The following SLC35F4 variants were observed in gnomAD, a reference collection of about 807,000 sequenced individuals.
SLC35F4 encodes chromosome 14 open reading frame 36.
Under a neutral mutation model 44.2 loss-of-function variants are expected in SLC35F4, and 24 were observed. That is an observed-to-expected ratio of 0.54 (90% CI 0.39 to 0.76). The LOEUF (loss-of-function observed/expected upper bound fraction) is 0.76. SLC35F4 is among the 30% of genes least tolerant of loss of function. The pLI is 0.00. For missense variants in SLC35F4, 562 were observed against 586.1 expected (o/e 0.96, Z 0.42); for synonymous variants, 238 against 223.6 (o/e 1.06, Z -0.57).
chr14:57,662,752 G>A (rs1566738176), intron 1 of SLC35F4, among the ~76,000 whole-genome samples: 1 of 152,128 alleles, frequency 6.6e-6, no homozygotes, highest in Admixed American at 6.6e-5. Flanking sequence ...AGTTTGCAAG[G>A]TGTGCTGGAT....
intron 1 of SLC35F4, among the ~76,000 whole-genome samples, chr14:57,944,207 T>C (rs915945280): frequency 6.6e-6 from 1 of 152,204 alleles, no homozygotes; most frequent in African/African-American, 2.4e-5. Context: ...GGGTCTTCTA[T>C]TCCTACTTAT....
chr14:57,937,586 G>GAAAGAAAGA (rs1889825535), intron 1 of SLC35F4, among the ~76,000 whole-genome samples: 1 of 114,012 alleles, frequency 8.8e-6, no homozygotes, highest in Non-Finnish European at 1.8e-5. Flanking sequence ...GAAAAGAAAA[G>GAAAGAAAGA]AAAGAAAAGA....
intron 1 of SLC35F4, among the ~76,000 whole-genome samples, chr14:57,760,209 A>G (rs917025411): frequency 6.6e-6 from 1 of 151,866 alleles, no homozygotes; most frequent in Admixed American, 6.6e-5. Flanking sequence ...ATTTTTGTGC[A>G]TGTTGTAAGA....
intron 1 of SLC35F4, among the ~76,000 whole-genome samples, chr14:57,703,913 G>T (rs1231849254): frequency 6.6e-6 from 1 of 152,058 alleles, no homozygotes; most frequent in Non-Finnish European, 1.5e-5. Flanking sequence ...GCTGTATCCT[G>T]TTCTCTGGAA....
chr14:57,585,829 C>G (rs1030581214), intron 3 of SLC35F4, among the ~76,000 whole-genome samples: 1 of 152,106 alleles, frequency 6.6e-6, no homozygotes, highest in Admixed American at 6.5e-5. Flanking sequence ...TAAGAGAGGA[C>G]ACAAACGGGT....
At chr14:57,789,531 G>A (rs946528813) in intron 1 of SLC35F4, among the ~76,000 whole-genome samples, 1 of 152,072 alleles carries the variant, frequency 6.6e-6, no homozygotes, top group African/African-American at 2.4e-5. Context: ...AAAAGCCCCG[G>A]ACCAGATGGA....
intron 1 of SLC35F4, among the ~76,000 whole-genome samples, chr14:57,930,994 G>A (rs74054810): frequency 0.02 from 3,014 of 152,290 alleles, 85 homozygotes; most frequent in African/African-American, 0.068. Context: ...AAATATTTGT[G>A]TGATGTTTCA....
At chr14:57,706,491 T>C (rs1451558540) in intron 1 of SLC35F4, among the ~76,000 whole-genome samples, 1 of 152,206 alleles carries the variant, frequency 6.6e-6, no homozygotes, top group East Asian at 1.9e-4. Flanking sequence ...AAATGGTTTC[T>C]ACCTTCAAGG....
intron 1 of SLC35F4, among the ~76,000 whole-genome samples, chr14:57,872,284 C>T (rs1046288147): frequency 2.0e-5 from 3 of 151,680 alleles, no homozygotes; most frequent in Admixed American, 6.6e-5. Flanking sequence ...ATCAGTAGAA[C>T]TTGCTTTTTA....
At chr14:57,624,668 A>G (rs2346986) in intron 1 of SLC35F4, among the ~76,000 whole-genome samples, 137,037 of 152,042 alleles carry the variant, frequency 0.9, 61,889 homozygotes, top group South Asian at 0.95. Flanking sequence ...ATCAATAAAC[A>G]TAATCCAGCA....
intron 1 of SLC35F4, among the ~76,000 whole-genome samples, chr14:57,744,433 C>T (rs1264267206): frequency 6.6e-6 from 1 of 152,056 alleles, no homozygotes; most frequent in Non-Finnish European, 1.5e-5. Context: ...ACACCAAGAA[C>T]AGACAAATGG....
intron 3 of SLC35F4, among the ~76,000 whole-genome samples, chr14:57,582,385 A>G (rs977806635): frequency 6.6e-6 from 1 of 152,032 alleles, no homozygotes; most frequent in African/African-American, 2.4e-5. Context: ...TTTTGTAGAG[A>G]CAGACAGGAT....
At chr14:57,808,734 A>T (rs868845158) in intron 1 of SLC35F4, among the ~76,000 whole-genome samples, 2 of 152,228 alleles carry the variant, frequency 1.3e-5, no homozygotes, top group Non-Finnish European at 2.9e-5. Flanking sequence ...TGAGTCCAGG[A>T]GGTCAAGGCT....
intron 1 of SLC35F4, among the ~76,000 whole-genome samples, chr14:57,651,455 T>C (rs1267604759): frequency 6.6e-6 from 1 of 152,042 alleles, no homozygotes; most frequent in Non-Finnish European, 1.5e-5. Flanking sequence ...TGATGTCTGA[T>C]GTCATCCCCT....
chr14:57,737,590 G>GT (rs1296478992), intron 1 of SLC35F4, among the ~76,000 whole-genome samples: 1 of 152,000 alleles, frequency 6.6e-6, no homozygotes, highest in Non-Finnish European at 1.5e-5. Flanking sequence ...AGCTGTGGAC[G>GT]TAAGTACTCA....
intron 1 of SLC35F4, among the ~76,000 whole-genome samples, chr14:57,644,211 T>G (rs1355062470): frequency 3.9e-5 from 6 of 152,220 alleles, no homozygotes; most frequent in Non-Finnish European, 8.8e-5. Flanking sequence ...CCACAGTGGT[T>G]GAACTAGTTT....
intron 1 of SLC35F4, among the ~76,000 whole-genome samples, chr14:57,710,139 G>A (rs1302792870): frequency 3.3e-5 from 5 of 152,226 alleles, no homozygotes; most frequent in Non-Finnish European, 7.3e-5. Context: ...GCTCTGTGCA[G>A]TCTCAAGACA....
chr14:57,613,350 A>G (rs764081664), intron 1 of SLC35F4, among the ~76,000 whole-genome samples: 7 of 152,146 alleles, frequency 4.6e-5, no homozygotes, highest in Non-Finnish European at 1.0e-4. Context: ...TTTGTTATTG[A>G]TAAAGGAGAA....
chr14:57,630,890 G>A, intron 1 of SLC35F4: 1 of 873,762 alleles, frequency 1.1e-6, no homozygotes, highest in Non-Finnish European at 1.4e-6. Flanking sequence ...AATGTTATGA[G>A]CAGCCACCAA....
Sources: gnomAD v4.1 joint callset for allele counts (sites outside exome capture counted in the v4.1 genomes callset) on GRCh38, gnomAD v4.1.1 for gene constraint, MANE v1.5 for transcripts, NCBI Gene and HGNC (gene_info 2026-07-23, HGNC 2026-07-21) for gene names.